Variants in ELMO1 observed in about 807,000 individuals in gnomAD.
The protein encoded by ELMO1 is engulfment and cell motility protein 1.
ELMO1 carries 26 observed loss-of-function variants against 98.9 expected under a neutral mutation model. The ratio of observed to expected loss-of-function variants is 0.26; its 90% CI spans 0.19 to 0.36. ELMO1 has a LOEUF of 0.36. Among genes scored for constraint, ELMO1 ranks in the 10% least tolerant of loss-of-function variants. The pLI is 1.00. For synonymous variants in ELMO1, 346 were observed against 346.0 expected (o/e 1.00, Z 0.00); for missense variants, 627 against 935.2 (o/e 0.67, Z 4.30).
chr7:37,095,046 G>C (rs1318982933), intron 15 of ELMO1, among the ~76,000 whole-genome samples: 1 of 152,198 alleles, frequency 6.6e-6, no homozygotes, highest in Non-Finnish European at 1.5e-5. Flanking sequence ...CACATGGAGA[G>C]TGGGCCTTCT....
intron 17 of ELMO1, among the ~76,000 whole-genome samples, chr7:36,893,535 T>C (rs1562802869): frequency 1.3e-5 from 2 of 152,216 alleles, no homozygotes; most frequent in Non-Finnish European, 2.9e-5. Flanking sequence ...TACTCCACAG[T>C]TTCCAACAGT....
chr7:37,442,113 A>C (rs1021382704), intron 1 of ELMO1, among the ~76,000 whole-genome samples: 1 of 152,178 alleles, frequency 6.6e-6, no homozygotes, highest in African/African-American at 2.4e-5. Flanking sequence ...CAAACGACTA[A>C]TGTACTGGCA....
chr7:36,995,529 T>A (rs1039054654), intron 16 of ELMO1, among the ~76,000 whole-genome samples: 3 of 151,812 alleles, frequency 2.0e-5, no homozygotes, highest in African/African-American at 7.3e-5. Flanking sequence ...AATCATTCAA[T>A]CCTTTTTAGT....
chr7:37,304,906 C>T (rs17170983), intron 4 of ELMO1, among the ~76,000 whole-genome samples: 3,815 of 152,148 alleles, frequency 0.025, 176 homozygotes, highest in African/African-American at 0.087. Flanking sequence ...AGTTGTTCCT[C>T]GGTTATTGGA....
intron 14 of ELMO1, among the ~76,000 whole-genome samples, chr7:37,127,996 C>T (rs936412210): frequency 7.2e-5 from 11 of 152,242 alleles, no homozygotes; most frequent in Non-Finnish European, 1.5e-4. Context: ...AGTTCAAGAC[C>T]AGCCTGGCCA....
At chr7:37,068,968 A>G (rs957201835) in intron 15 of ELMO1, among the ~76,000 whole-genome samples, 5 of 152,240 alleles carry the variant, frequency 3.3e-5, no homozygotes, top group African/African-American at 1.2e-4. Context: ...TGTGAAATAT[A>G]AAAGTGTTAA....
intron 13 of ELMO1, among the ~76,000 whole-genome samples, chr7:37,143,852 A>G (rs1349327595): frequency 6.6e-6 from 1 of 151,432 alleles, no homozygotes; most frequent in Non-Finnish European, 1.5e-5. Flanking sequence ...CTGGGATTAC[A>G]GGCATGCGTC....
At chr7:36,932,594 A>C (rs748757223) in intron 16 of ELMO1, among the ~76,000 whole-genome samples, 10 of 152,244 alleles carry the variant, frequency 6.6e-5, no homozygotes, top group Non-Finnish European at 1.5e-4. Context: ...AAGTGAAACA[A>C]AGCTGGAAGG....
chr7:37,103,227 T>C (rs1445455455), intron 14 of ELMO1, among the ~76,000 whole-genome samples: 7 of 152,312 alleles, frequency 4.6e-5, no homozygotes, highest in Admixed American at 2.6e-4. Context: ...CTTATCGCTC[T>C]TGGGAAAAGC....
At chr7:37,046,848 G>A (rs1232031344) in intron 15 of ELMO1, among the ~76,000 whole-genome samples, 1 of 152,202 alleles carries the variant, frequency 6.6e-6, no homozygotes, top group Non-Finnish European at 1.5e-5. Context: ...GGAATGCTAA[G>A]TGATTCCAGT....
At chr7:37,124,978 A>G (rs1276438282) in intron 14 of ELMO1, among the ~76,000 whole-genome samples, 1 of 152,162 alleles carries the variant, frequency 6.6e-6, no homozygotes, top group Non-Finnish European at 1.5e-5. Flanking sequence ...CAGAAATAAT[A>G]CCACACTTCT....
intron 16 of ELMO1, among the ~76,000 whole-genome samples, chr7:36,970,180 AACACACAC>A (rs56928749): frequency 0.019 from 2,812 of 144,310 alleles, 36 homozygotes; most frequent in African/African-American, 0.031. Context: ...TCATACACTT[AACACACAC>A]ACACACACAC....
chr7:36,921,361 T>A (rs1348504464), intron 16 of ELMO1, among the ~76,000 whole-genome samples: 1 of 152,162 alleles, frequency 6.6e-6, no homozygotes, highest in African/African-American at 2.4e-5. Context: ...AGGCAAGTTA[T>A]TAAACCTCTC....
At chr7:37,096,803 T>C (rs943437418) in intron 14 of ELMO1, 76 bp from the exon 15 acceptor site, 22 of 1,298,722 alleles carry the variant, frequency 1.7e-5, no homozygotes, top group African/African-American at 7.3e-5. Flanking sequence ...TTCATTCCAA[T>C]AGATGAATAC....
chr7:37,315,724 C>T (rs1405273691), intron 3 of ELMO1, among the ~76,000 whole-genome samples, 196 bp downstream of exon 3: 1 of 152,220 alleles, frequency 6.6e-6, no homozygotes, highest in Admixed American at 6.5e-5. Context: ...AGCCATTTCA[C>T]ACTTTCTGCT....
chr7:37,147,254 G>A (rs1788044462), intron 13 of ELMO1, among the ~76,000 whole-genome samples: 1 of 152,146 alleles, frequency 6.6e-6, no homozygotes, highest in African/African-American at 2.4e-5. Context: ...AGATGCTAGG[G>A]ATCTAGGCCA....
chr7:36,923,274 C>A (rs1785287101), intron 16 of ELMO1, among the ~76,000 whole-genome samples: 1 of 152,186 alleles, frequency 6.6e-6, no homozygotes, highest in Admixed American at 6.5e-5. Context: ...GGTTTGTTAG[C>A]ATAACAATGA....
chr7:37,428,023 T>A (rs957995104), intron 1 of ELMO1, among the ~76,000 whole-genome samples: 3 of 90,304 alleles, frequency 3.3e-5, no homozygotes, highest in Non-Finnish European at 4.5e-5. Context: ...GAAGGATGTA[T>A]GCTTGGGGTG....
At chr7:37,034,521 C>T (rs1795069976) in intron 15 of ELMO1, among the ~76,000 whole-genome samples, 1 of 152,138 alleles carries the variant, frequency 6.6e-6, no homozygotes, top group Non-Finnish European at 1.5e-5. Context: ...ACTTTTGACT[C>T]CCCCAAAACT....
Sources: allele counts gnomAD v4.1 joint callset (sites outside exome capture counted in the v4.1 genomes callset), GRCh38; gene constraint gnomAD v4.1.1; transcripts MANE v1.5; gene names NCBI Gene and HGNC (gene_info 2026-07-23, HGNC 2026-07-21).